Variants in KHDRBS2 observed in about 807,000 individuals in gnomAD.
KHDRBS2 encodes KH RNA binding domain containing, signal transduction associated 2.
In KHDRBS2, 26 loss-of-function variants were observed where a neutral mutation model predicts 44.3. The observed-to-expected ratio is 0.59, with a 90% CI of 0.43 to 0.81. KHDRBS2 has a LOEUF of 0.81. Ranked by LOEUF, KHDRBS2 falls within the 40% of genes least tolerant of loss-of-function variation. The pLI is 0.00. For missense variants in KHDRBS2, 476 were observed against 433.1 expected, an observed-to-expected ratio of 1.10 and a Z score of -0.88; for synonymous variants, 194 against 151.1, an observed-to-expected ratio of 1.28 and a Z score of -2.08.
chr6:61,902,349 C>T (rs1022003744), intron 4 of KHDRBS2, among the ~76,000 whole-genome samples: 2 of 152,132 alleles, frequency 1.3e-5, no homozygotes, highest in South Asian at 2.1e-4. Flanking sequence ...ACAATAACAA[C>T]CAGAGATTCA....
chr6:61,849,305 C>T (rs535356500), intron 6 of KHDRBS2, among the ~76,000 whole-genome samples: 5 of 152,112 alleles, frequency 3.3e-5, no homozygotes, highest in Non-Finnish European at 5.9e-5. Context: ...GACACAGGTT[C>T]CTGTGATATT....
intron 4 of KHDRBS2, among the ~76,000 whole-genome samples, chr6:61,948,676 A>ATTATTATTAT (rs1229977139): frequency 6.8e-6 from 1 of 148,052 alleles, no homozygotes; most frequent in Non-Finnish European, 1.5e-5. Context: ...TATTATTATT[A>ATTATTATTAT]TTATTATTAT....
intron 6 of KHDRBS2, among the ~76,000 whole-genome samples, chr6:61,792,225 C>T (rs556842652): frequency 2.0e-5 from 3 of 151,438 alleles, no homozygotes; most frequent in South Asian, 2.1e-4. Context: ...TTCCATCCAC[C>T]GCTCCTAACC....
the KHDRBS2 span, among the ~76,000 whole-genome samples, chr6:61,594,764 G>A: frequency 6.6e-6 from 1 of 151,792 alleles, no homozygotes; most frequent in Non-Finnish European, 1.5e-5. Context: ...GATGCCTCAG[G>A]GGCTGTCTGT....
intron 2 of KHDRBS2, among the ~76,000 whole-genome samples, chr6:62,151,062 G>GT (rs1815066748): frequency 6.6e-6 from 1 of 152,034 alleles, no homozygotes; most frequent in South Asian, 2.1e-4. Context: ...TTGCTACAAG[G>GT]TAGCAGGGTC....
intron 8 of KHDRBS2, among the ~76,000 whole-genome samples, chr6:61,682,263 G>T (rs1238455861): frequency 1.3e-5 from 2 of 151,812 alleles, no homozygotes; most frequent in African/African-American, 4.8e-5. Flanking sequence ...GTTTATCATT[G>T]TTGGGAAAAA....
At chr6:61,738,772 G>C (rs1180347663) in intron 6 of KHDRBS2, among the ~76,000 whole-genome samples, 1 of 151,794 alleles carries the variant, frequency 6.6e-6, no homozygotes, top group African/African-American at 2.4e-5. Context: ...AAATTAATGA[G>C]GTCATTGACT....
chr6:61,725,365 C>T (rs578104524), intron 7 of KHDRBS2, among the ~76,000 whole-genome samples: 2 of 152,018 alleles, frequency 1.3e-5, no homozygotes, highest in South Asian at 4.2e-4. Context: ...AGTTAACAAC[C>T]TAACATCTCA....
chr6:62,056,824 G>A (rs1314487143), intron 2 of KHDRBS2, among the ~76,000 whole-genome samples: 1 of 151,894 alleles, frequency 6.6e-6, no homozygotes, highest in African/African-American at 2.4e-5. Flanking sequence ...CCCGGCTGAG[G>A]ACAGATTATT....
intron 1 of KHDRBS2, among the ~76,000 whole-genome samples, chr6:62,254,257 G>T (rs888814977): frequency 2.6e-5 from 4 of 151,960 alleles, no homozygotes; most frequent in Non-Finnish European, 4.4e-5. Context: ...CAAGATAAAG[G>T]AGACATTTGT....
Position 62,041,509 on chromosome 6 carries a change from C to T in KHDRBS2, c.336+6369G>A, listed in dbSNP as rs141072034. Among the ~76,000 whole-genome samples the T allele has an allele frequency of 6.6e-5, 10 of 152,084 alleles. No individual in the cohort carries two copies. In the East Asian group the frequency reaches 1.6e-3, roughly 24 times the overall value. ...TTAATAGCTTAGTAAACAAAAATGT[C>T]TTACAATATGGTGGGAGAGACCCTG... On this transcript the variant is annotated intron_variant, in intron 3 of 8. Transcript: ENST00000281156.
At chr6:61,905,649 C>T (rs2127346753) in intron 4 of KHDRBS2, among the ~76,000 whole-genome samples, 1 of 152,136 alleles carries the variant, frequency 6.6e-6, no homozygotes, top group Non-Finnish European at 1.5e-5. Flanking sequence ...AGAGACAGAA[C>T]TTTTCTAATC....
intron 1 of KHDRBS2, among the ~76,000 whole-genome samples, chr6:62,278,136 T>C (rs563882767): frequency 3.3e-5 from 5 of 152,326 alleles, no homozygotes; most frequent in South Asian, 4.1e-4. Context: ...TATTAAATAT[T>C]ACACGGTTTA....
rs535198043 is a variant in KHDRBS2, at chr6:62,266,843, T to A, written c.91+19015A>T. Among the ~76,000 whole-genome samples, 151 of 152,110 alleles carry A rather than the reference T, an allele frequency of 9.9e-4. 1 individual carries two copies. Among genetic ancestry groups the A allele is most frequent in the African/African-American group, 3.5e-3 (145 of 41,540 alleles). ...TTAGTAGAGTTTGAAAAGGAAAAAA[T>A]TTAAATAATAGTGTACAATATACAG... On this transcript the variant is annotated intron_variant, in intron 1 of 8. Transcript: ENST00000281156.
chr6:62,139,577 T>A (rs1311472175), intron 2 of KHDRBS2, among the ~76,000 whole-genome samples: 1 of 151,594 alleles, frequency 6.6e-6, no homozygotes, highest in African/African-American at 2.4e-5. Flanking sequence ...AAGAAATTTA[T>A]ATGTAATGAC....
chr6:61,960,539 A>T (rs1244089398), intron 4 of KHDRBS2, among the ~76,000 whole-genome samples: 1 of 152,130 alleles, frequency 6.6e-6, no homozygotes, highest in African/African-American at 2.4e-5. Context: ...AGCAATAAAC[A>T]TATTGATCCT....
At position 62,284,177 on chromosome 6, in the gene KHDRBS2, C is replaced by T. The variant is rs75635677; in HGVS notation, c.91+1681G>A. Among the ~76,000 whole-genome samples, 639 of 152,202 alleles carry T rather than the reference C, an allele frequency of 4.2e-3. 7 individuals are homozygous for T. Among genetic ancestry groups the T allele is most frequent in the East Asian group, 0.032 (166 of 5,182 alleles). ...TACTTATGCACTCTGTTAAGAGTTT[C>T]TTGTATGCATTTATTTAGCTTGGCC... On this transcript the variant is annotated intron_variant, in intron 1 of 8. Coordinates refer to ENST00000281156, the MANE Select transcript of KHDRBS2 (RefSeq NM_152688.4).
At chr6:62,081,066 C>T (rs1271863467) in intron 2 of KHDRBS2, among the ~76,000 whole-genome samples, 2 of 152,060 alleles carry the variant, frequency 1.3e-5, no homozygotes, top group Non-Finnish European at 2.9e-5. Flanking sequence ...TCATTAAATT[C>T]TTGTAAATCA....
In KHDRBS2 at chr6:61,880,492, T is replaced by C. The variant is rs950803348; in HGVS notation, c.810+14143A>G. 6.6e-5 allele frequency among the ~76,000 whole-genome samples: 10 copies of C among 151,942 alleles called. 1 individual carries two copies. The highest frequency in any genetic ancestry group is 5.9e-4 in the Admixed American group (9 of 15,222). On this transcript the variant is annotated intron_variant, in intron 6 of 8. Transcript: ENST00000281156. ...AAGAAAATCTCAAACAAAATCTAGA[T>C]AGGAAATGAAATATATTTGTGCTTC...
Sources: gnomAD v4.1 joint callset for allele counts (sites outside exome capture counted in the v4.1 genomes callset) on GRCh38, gnomAD v4.1.1 for gene constraint, MANE v1.5 for transcripts, NCBI Gene and HGNC (gene_info 2026-07-23, HGNC 2026-07-21) for gene names.